The following NRBP2 variants were observed in gnomAD, a reference collection of about 807,000 sequenced individuals.
NRBP2 encodes the protein nuclear receptor binding protein 2, also known as nuclear receptor-binding protein 2.
In NRBP2, 47 loss-of-function variants were observed where a neutral mutation model predicts 74.4. The observed-to-expected ratio is 0.63, with a 90% CI of 0.50 to 0.81. NRBP2 has a LOEUF of 0.81. Among genes scored for constraint, NRBP2 ranks in the 30% least tolerant of loss-of-function variants. The pLI is 0.00. For missense variants in NRBP2, 613 were observed against 690.1 expected (o/e 0.89, Z 1.25); for synonymous variants, 312 against 273.8 (o/e 1.14, Z -1.38).
intron 14 of NRBP2, among the ~76,000 whole-genome samples, 180 bp downstream of exon 14, chr8:143,836,859 G>A (rs1378938836): frequency 1.3e-5 from 2 of 152,018 alleles, no homozygotes; most frequent in African/African-American, 4.8e-5. Context: ...AAAGGAGAGT[G>A]CCCAGCCTGT....
At chr8:143,830,161 C>T (rs781939412), downstream of NRBP2, among the ~76,000 whole-genome samples, 71 of 152,356 alleles carry the variant, frequency 4.7e-4, no homozygotes, top group African/African-American at 1.5e-3. Flanking sequence ...GAATATTCCC[C>T]GCCTCCCTCC....
In NRBP2 at chr8:143,839,578, C is replaced by A; in HGVS notation, c.445-29G>T. 1 of 1,525,378 alleles carries A rather than the reference C, an allele frequency of 6.6e-7. No homozygotes were observed. The highest frequency in any genetic ancestry group is 8.8e-7 in the Non-Finnish European group (1 of 1,142,226). 94.5% of individuals were successfully genotyped at this position (1,525,378 alleles called of 1,614,324 possible). ...GCGGCGGACGCACGACTCCGTCGGT[C>A]GGGTGGGCGCAGGAGAGGCGGCTGG... On this transcript the variant is annotated intron_variant, in intron 4 of 17. Transcript: ENST00000442628. This position sits in a 1 kb window ranked among gnomAD's most constrained non-coding sequence, Gnocchi z 5.1.
At chr8:143,836,898 G>A in intron 14 of NRBP2, 141 bp downstream of exon 14, 1 of 949,376 alleles carries the variant, frequency 1.1e-6, no homozygotes, top group East Asian at 2.4e-5. Flanking sequence ...CCCACAAGGG[G>A]GTCAGCCTGG....
chr8:143,839,742 G>A lies in NRBP2; in HGVS notation c.438C>T (p.Asn146=). 7 of 1,535,946 alleles carry A rather than the reference G, an allele frequency of 4.6e-6. No individual in the cohort carries two copies. Among genetic ancestry groups the A allele is most frequent in the East Asian group, 2.4e-5 (1 of 40,890 alleles). ...CCCAGCCCGCTCCCCATACCCGGGC[G>A]TTCATGGCCTTGTGGTTCTTCTTGG... is the stretch of plus-strand genomic sequence containing the variant. ...KKTKKNHKAM[N]ARAWKRWCTQ... The change falls in exon 4 of 18, where the codon AAC becomes AAT. Residue 146 remains asparagine (N), a synonymous_variant. Transcript: ENST00000442628. The surrounding 1 kb of genome is among the most constrained non-coding windows in gnomAD (Gnocchi z 5.1).
At position 143,839,788 on chromosome 8, in the gene NRBP2, A is replaced by AGGCT. The variant is rs1554653190; in HGVS notation, c.388_391dup (p.Leu131GlnfsTer77). On this transcript the variant is annotated frameshift_variant, in exon 4 of 18. Coordinates refer to ENST00000442628, the MANE Select transcript of NRBP2 (RefSeq NM_178564.4). LOFTEE classifies it high-confidence loss of function. The surrounding 1 kb of genome is among the most constrained non-coding windows in gnomAD (Gnocchi z 5.1). ...CTTGGTCTTTTTGAGGAATTGCTTG[A>AGGCT]GGCTGCCTGATGACACGTACTCTGT... 1 of 1,535,680 alleles carries AGGCT rather than the reference A, an allele frequency of 6.5e-7. No homozygotes were observed. The highest frequency in any genetic ancestry group is 2.4e-5 in the East Asian group (1 of 40,868).
downstream of NRBP2, among the ~76,000 whole-genome samples, chr8:143,831,357 T>A (rs1818160989): frequency 6.6e-6 from 1 of 152,256 alleles, no homozygotes; most frequent in South Asian, 2.1e-4. Flanking sequence ...GGCTCATGCC[T>A]GCCTTCCCAG....
chr8:143,839,386 G>A lies in NRBP2; in HGVS notation c.508C>T (p.Pro170Ser), dbSNP rs1459077867. The part of the protein sequence containing the change: ...ALSFLHACSP[P>S]IIHGNLTSDT... ...CTGGTCAGGTTCCCGTGGATGATTG[G>A]GGGGCTGCAGGCGTGCAGGAAGCTG... The change falls in exon 6 of 18, where the codon CCA (proline) becomes TCA (serine). Residue 170 changes from proline (P) to serine (S), a missense_variant. By Grantham distance (74) the Pro-to-Ser change is moderately conservative. This residue lies in a region of NRBP2 where 332 missense variants were observed against 429.2 expected (regional missense o/e 0.77). Transcript: ENST00000442628. The surrounding 1 kb of genome is among the most constrained non-coding windows in gnomAD (Gnocchi z 5.1). 5 of 1,584,694 alleles carry A rather than the reference G, an allele frequency of 3.2e-6. No individual in the cohort carries two copies. Among genetic ancestry groups the A allele is most frequent in the Non-Finnish European group, 4.3e-6 (5 of 1,172,902 alleles).
rs1236073623 is a variant in NRBP2 at position 143,833,616 on chromosome 8, T to A, written c.*2046A>T. The A allele has an allele frequency of 6.6e-6, 1 of 152,216 alleles. No homozygotes were observed. Among genetic ancestry groups the A allele is most frequent in the African/African-American group, 2.4e-5 (1 of 41,450 alleles). The allele number at this position is 152,216 out of a possible 1,614,324, so 9.4% of individuals were successfully genotyped here. On this transcript the variant is annotated 3_prime_UTR_variant, in exon 18 of 18. Coordinates refer to ENST00000442628, the MANE Select transcript of NRBP2 (RefSeq NM_178564.4). Reference sequence around the variant, plus strand: ...GGATCAGAGTAGGAGCCTGCATTTATTATTTATTATTGGCCTCAAAAAAAA... The same window carrying A: ...GGATCAGAGTAGGAGCCTGCATTTAATATTTATTATTGGCCTCAAAAAAAA...
chr8:143,829,967 T>C (rs1198112736), downstream of NRBP2: 1 of 152,284 alleles, frequency 6.6e-6, no homozygotes, highest in Non-Finnish European at 1.5e-5. Flanking sequence ...GAAAGCTGCC[T>C]GTCCTGGACA....
At position 143,839,976 on chromosome 8, in the gene NRBP2, C is replaced by T; in HGVS notation, c.307G>A (p.Val103Met). The change falls in exon 3 of 18, where the codon GTG (valine) becomes ATG (methionine). Residue 103 changes from valine (V) to methionine (M), a missense_variant. By Grantham distance (21) the Val-to-Met change is conservative. This residue lies in a region of NRBP2 where 332 missense variants were observed against 429.2 expected (regional missense o/e 0.77). Coordinates refer to ENST00000442628, the MANE Select transcript of NRBP2 (RefSeq NM_178564.4). The surrounding 1 kb of genome is among the most constrained non-coding windows in gnomAD (Gnocchi z 5.1). ...TCCAGCCAGTACTTGTGCAACTTCA[C>T]GATGTTCGGGTGGTCCACCAGCACC... Reference protein sequence around the residue: ...QLVLVDHPNIVKLHKYWLDTS... With the variant: ...QLVLVDHPNIMKLHKYWLDTS... The T allele has an allele frequency of 1.3e-6, 2 of 1,536,188 alleles. No homozygotes were observed. The highest frequency in any genetic ancestry group is 1.7e-4 in the Middle Eastern group (1 of 5,990).
chr8:143,833,633 C>T lies in NRBP2; in HGVS notation c.*2029G>A, dbSNP rs1283784913. The T allele has an allele frequency of 3.5e-5, 5 of 144,732 alleles. No homozygotes were observed. The East Asian group carries it at 9.9e-4, about 29-fold the overall frequency. The allele number at this position is 144,732 out of a possible 1,614,324, so 9.0% of individuals were successfully genotyped here. ...TGCATTTATTATTTATTATTGGCCTCAAAAAAAAAACTATTCTACTTTAAA... is the reference window on the plus strand; with the variant it reads ...TGCATTTATTATTTATTATTGGCCTTAAAAAAAAAACTATTCTACTTTAAA... On this transcript the variant is annotated 3_prime_UTR_variant, in exon 18 of 18. Coordinates refer to ENST00000442628, the MANE Select transcript of NRBP2 (RefSeq NM_178564.4).
At position 143,837,593 on chromosome 8, in the gene NRBP2, A is replaced by G. The variant is rs2130541493; in HGVS notation, c.973+30T>C. On this transcript the variant is annotated intron_variant, in intron 11 of 17. Coordinates refer to ENST00000442628, the MANE Select transcript of NRBP2 (RefSeq NM_178564.4). This position sits in a 1 kb window ranked among gnomAD's most constrained non-coding sequence, Gnocchi z 4.3. ...TCCACGTCCCAACCTCCACCTCCCC[A>G]GCCACCCCCCGGGCCGGCCTGCTGC... is the stretch of plus-strand genomic sequence containing the variant. 6.3e-7 allele frequency: 1 copy of G among 1,596,584 alleles called. No individual in the cohort carries two copies. The highest frequency in any genetic ancestry group is 1.1e-5 in the South Asian group (1 of 88,240).
At chr8:143,833,033 G>C (rs1275076120), downstream of NRBP2, among the ~76,000 whole-genome samples, 1 of 152,166 alleles carries the variant, frequency 6.6e-6, no homozygotes, top group Non-Finnish European at 1.5e-5. Flanking sequence ...TTCTCAAACA[G>C]GGCAAATGAA....
chr8:143,836,471 T>G (rs1392237536), intron 14 of NRBP2, among the ~76,000 whole-genome samples: 1 of 151,838 alleles, frequency 6.6e-6, no homozygotes, highest in African/African-American at 2.4e-5. Context: ...CGCGCCGAAG[T>G]GCACGGTGCC....
chr8:143,835,592 G>A lies in NRBP2; in HGVS notation c.*70C>T, dbSNP rs900844346. 7.6e-7 allele frequency: 1 copy of A among 1,318,958 alleles called. No homozygotes were observed. The highest frequency in any genetic ancestry group is 1.5e-5 in the African/African-American group (1 of 67,534). 81.7% of individuals were successfully genotyped at this position (1,318,958 alleles called of 1,614,324 possible). A position where few individuals can be genotyped will look rare whatever the true frequency, so the allele number is the denominator to read the frequency against. On this transcript the variant is annotated 3_prime_UTR_variant, in exon 18 of 18. Transcript: ENST00000442628. This position sits in a 1 kb window ranked among gnomAD's most constrained non-coding sequence, Gnocchi z 4.9. ...GCATGGAGGAGGGCAGCCCCACGGT[G>A]CTGGAGTCTCCCCAACATGGCCTGC...
In NRBP2 at chr8:143,839,436, GAGGAGCCGGTC is replaced by G. The variant is rs1361853931; in HGVS notation, c.486-39_486-29del. The G allele has an allele frequency of 6.5e-7, 1 of 1,542,102 alleles. No homozygotes were observed. The highest frequency in any genetic ancestry group is 2.4e-5 in the East Asian group (1 of 41,288). ...GCAGACGTTGGGGAGGGGAGAGTAG[GAGGAGCCGGTC>G]AGGAGGCTCTGGAGAGATGGGGGCT... On this transcript the variant is annotated intron_variant, in intron 5 of 17. Transcript: ENST00000442628. The surrounding 1 kb of genome is among the most constrained non-coding windows in gnomAD (Gnocchi z 5.1).
Position 143,839,290 on chromosome 8 carries a change from C to A in NRBP2, c.580+24G>T, listed in dbSNP as rs782284700. 5 of 1,540,244 alleles carry A rather than the reference C, an allele frequency of 3.2e-6. No individual in the cohort carries two copies. In the African/African-American group the frequency reaches 5.5e-5, roughly 17 times the overall value. On this transcript the variant is annotated intron_variant, in intron 6 of 17. Transcript: ENST00000442628. The surrounding 1 kb of genome is among the most constrained non-coding windows in gnomAD (Gnocchi z 5.1). Reference sequence around the variant, plus strand: ...GGCACCTTCCCCTGCCCCGTTCCCCCACCCAGCCCTGCCCCGCCAGCACCG... The same window carrying A: ...GGCACCTTCCCCTGCCCCGTTCCCCAACCCAGCCCTGCCCCGCCAGCACCG...
chr8:143,833,672 T>C lies in NRBP2; in HGVS notation c.*1990A>G, dbSNP rs536819262. 1 of 152,296 alleles carries C rather than the reference T, an allele frequency of 6.6e-6. No homozygotes were observed. Among genetic ancestry groups the C allele is most frequent in the South Asian group, 2.1e-4 (1 of 4,816 alleles). 9.4% of individuals were successfully genotyped at this position (152,296 alleles called of 1,614,324 possible). On this transcript the variant is annotated 3_prime_UTR_variant, in exon 18 of 18. Transcript: ENST00000442628. Reference sequence around the variant, plus strand: ...TTCTACTTTAAAAACAATACATATATAATTCTGAAAAGATAAAATTTAAAA... The same window carrying C: ...TTCTACTTTAAAAACAATACATATACAATTCTGAAAAGATAAAATTTAAAA...
At chr8:143,836,999 G>T in intron 14 of NRBP2, 40 bp downstream of exon 14, 1 of 1,591,896 alleles carries the variant, frequency 6.3e-7, no homozygotes. Context: ...CTGTTAGAAG[G>T]TCTGAGGGAT....
Sources: allele counts gnomAD v4.1 joint callset (sites outside exome capture counted in the v4.1 genomes callset), GRCh38; gene constraint gnomAD v4.1.1; regional missense constraint gnomAD v4.1.1; non-coding constraint Gnocchi (gnomAD v3.1); transcripts MANE v1.5; gene names NCBI Gene and HGNC (gene_info 2026-07-23, HGNC 2026-07-21).